The following ROBO4 variants were observed in gnomAD, a reference collection of about 807,000 sequenced individuals.
The protein encoded by ROBO4 is roundabout guidance receptor 4, also known as roundabout homolog 4.
A neutral mutation model predicts 103.3 loss-of-function variants in ROBO4; 80 were observed. That is an observed-to-expected ratio of 0.77 (90% CI 0.65 to 0.93). ROBO4 has a LOEUF of 0.93. Among genes scored for constraint, ROBO4 ranks in the 40% least tolerant of loss-of-function variants. The pLI is 0.00. For missense variants in ROBO4, 1,333 were observed against 1,305.3 expected (o/e 1.02, Z -0.33); for synonymous variants, 504 against 529.7 (o/e 0.95, Z 0.67).
intron 16 of ROBO4, 51 bp from the exon 17 acceptor site, chr11:124,885,298 G>A: frequency 1.3e-6 from 2 of 1,515,796 alleles, no homozygotes; most frequent in African/African-American, 1.4e-5. Flanking sequence ...CAGCCCCTAG[G>A]GGCCAGTTTA....
intron 16 of ROBO4, 124 bp downstream of exon 16, chr11:124,886,340 T>C: frequency 3.9e-6 from 3 of 765,974 alleles, no homozygotes; most frequent in East Asian, 2.5e-5. Context: ...AAAGCACTTA[T>C]CATAGTGCCT....
Position 124,895,690 on chromosome 11 carries a change from G to A in ROBO4, c.808-5C>T, listed in dbSNP as rs1248840795. The A allele has an allele frequency of 6.2e-7, 1 of 1,611,920 alleles. No individual in the cohort carries two copies. Among genetic ancestry groups the A allele is most frequent in the East Asian group, 2.2e-5 (1 of 44,800 alleles). The stretch of plus-strand genomic sequence containing the variant: ...AGGCGCAGCAGGGCCACTGACCTGG[G>A]AAGGAGTTTCGAGGAAGGGCGGGGG... On this transcript the variant is annotated splice_region_variant and splice_polypyrimidine_tract_variant and intron_variant, in intron 5 of 17. Coordinates refer to ENST00000306534, the MANE Select transcript of ROBO4 (RefSeq NM_019055.6).
chr11:124,886,963 C>A lies in ROBO4; in HGVS notation c.2435+14G>T. 1 of 1,596,566 alleles carries A rather than the reference C, an allele frequency of 6.3e-7. No individual in the cohort carries two copies. Among genetic ancestry groups the A allele is most frequent in the Non-Finnish European group, 8.6e-7 (1 of 1,168,010 alleles). On this transcript the variant is annotated intron_variant, in intron 15 of 17. Transcript: ENST00000306534. ...CTTTTCTGTAGTTCTTTGGTTATCTCTCAAGCTACTCACCTGGGAGTCTCC... is the reference window on the plus strand; with the variant it reads ...CTTTTCTGTAGTTCTTTGGTTATCTATCAAGCTACTCACCTGGGAGTCTCC...
At chr11:124,895,002 G>C (rs1946860066) in intron 7 of ROBO4, 79 bp downstream of exon 7, 3 of 1,122,656 alleles carry the variant, frequency 2.7e-6, no homozygotes, top group Non-Finnish European at 4.0e-6. Context: ...TCAGTGCCCA[G>C]AGCAAGGGTA....
intron 3 of ROBO4, 80 bp from the exon 4 acceptor site, chr11:124,896,398 C>A: frequency 6.3e-7 from 1 of 1,596,136 alleles, no homozygotes; most frequent in South Asian, 1.1e-5. Context: ...GCCCCCTGCT[C>A]TCCCCTCCTC....
Position 124,895,630 on chromosome 11 carries a change from G to A in ROBO4, c.863C>T (p.Thr288Ile), listed in dbSNP as rs1364802399. ...QSYTALFRTQTAPGGQGAPWA... is the reference protein window; with the variant it reads ...QSYTALFRTQIAPGGQGAPWA... Reference sequence around the variant, plus strand: ...CGGAGCTCCCTGGCCTCCCGGGGCAGTCTGGGTCCTGAACAAGGCCGTGTA... The same window carrying A: ...CGGAGCTCCCTGGCCTCCCGGGGCAATCTGGGTCCTGAACAAGGCCGTGTA... Residue 288 changes from threonine to isoleucine, a missense_variant, in exon 6 of 18, where the codon ACT (threonine) becomes ATT (isoleucine). Physicochemically the swap from Thr to Ile is moderately conservative, Grantham distance 89. Transcript: ENST00000306534. 2 of 1,613,892 alleles carry A rather than the reference G, an allele frequency of 1.2e-6. No homozygotes were observed. Among genetic ancestry groups the A allele is most frequent in the Admixed American group, 3.3e-5 (2 of 60,028 alleles).
chr11:124,892,124 T>A (rs995031769), intron 10 of ROBO4: 16 of 544,182 alleles, frequency 2.9e-5, no homozygotes, highest in Non-Finnish European at 4.9e-5. Context: ...CTGTCACAGC[T>A]TAGCTTGGGT....
Position 124,891,459 on chromosome 11 carries a change from C to T in ROBO4, c.1788G>A (p.Arg596=). The change falls in exon 12 of 18, where the codon AGG becomes AGA. Residue 596 remains arginine, a synonymous_variant. Coordinates refer to ENST00000306534, the MANE Select transcript of ROBO4 (RefSeq NM_019055.6). ...IAELPSSTPA[R]PSPQVPAVRR... is the part of the protein sequence containing the mutation. ...TGACAGCTGGGACCTGGGGACTTGG[C>T]CTGGCTGGGGTACTGGAGGGCAGCT... 2 of 1,607,548 alleles carry T rather than the reference C, an allele frequency of 1.2e-6. No individual in the cohort carries two copies. The highest frequency in any genetic ancestry group is 1.7e-6 in the Non-Finnish European group (2 of 1,176,294).
chr11:124,885,336 G>T, intron 16 of ROBO4, 89 bp from the exon 17 acceptor site: 1 of 1,088,942 alleles, frequency 9.2e-7, no homozygotes, highest in Non-Finnish European at 1.3e-6. Context: ...CCAGCTCAGG[G>T]CATGTACCCA....
At chr11:124,896,765 G>T in intron 2 of ROBO4, 95 bp from the exon 3 acceptor site, 1 of 1,519,544 alleles carries the variant, frequency 6.6e-7, no homozygotes, top group Non-Finnish European at 8.8e-7. Flanking sequence ...CACCTTCCTG[G>T]CCTCCCATTT....
Position 124,895,271 on chromosome 11 carries a change from G to C in ROBO4, c.1037-78C>G, listed in dbSNP as rs1356174878. ...GAAAGGAGCTGGGCTGGGGGACACA[G>C]CGTCAGAACCCTACTGAAGAGACAA... On this transcript the variant is annotated intron_variant, in intron 6 of 17. Transcript: ENST00000306534. The C allele has an allele frequency of 2.4e-6, 3 of 1,273,730 alleles. No homozygotes were observed. In the African/African-American group the frequency reaches 4.4e-5, roughly 19 times the overall value. The allele number at this position is 1,273,730 out of a possible 1,614,324, so 78.9% of individuals were successfully genotyped here.
rs1199186911 is a variant in ROBO4, at chr11:124,884,726, T to C, written c.*165A>G. The C allele has an allele frequency of 1.1e-5, 9 of 789,506 alleles. No individual in the cohort carries two copies. The highest frequency in any genetic ancestry group is 1.9e-5 in the Non-Finnish European group (9 of 471,314). The allele number at this position is 789,506 out of a possible 1,614,324, so 48.9% of individuals were successfully genotyped here. A position where few individuals can be genotyped will look rare whatever the true frequency, so the allele number is the denominator to read the frequency against. On this transcript the variant is annotated 3_prime_UTR_variant, in exon 18 of 18. Transcript: ENST00000306534. Reference sequence around the variant, plus strand: ...GGTCAGCTTTGCTCTAATTTTGTTTTCATTTGTTTTCACAATCGTGGAGGG... The same window carrying C: ...GGTCAGCTTTGCTCTAATTTTGTTTCCATTTGTTTTCACAATCGTGGAGGG...
intron 16 of ROBO4, 72 bp from the exon 17 acceptor site, chr11:124,885,319 C>T: frequency 7.6e-7 from 1 of 1,318,842 alleles, no homozygotes; most frequent in Non-Finnish European, 1.1e-6. Context: ...GTACAGAAAG[C>T]TTAGGACCAG....
intron 5 of ROBO4, 26 bp from the exon 6 acceptor site, chr11:124,895,711 G>T (rs374533475): frequency 6.2e-7 from 1 of 1,611,076 alleles, no homozygotes. Context: ...GAGGAAGGGC[G>T]GGGGGTCAGA....
In ROBO4 at chr11:124,891,196, G is replaced by A. The variant is rs546680255; in HGVS notation, c.1948+103C>T. On this transcript the variant is annotated intron_variant, in intron 12 of 17. Transcript: ENST00000306534. ...GAGGAGAATGGAAGGAGGGTGTGGA[G>A]GTTGCACGCCCCTCCAGGCTTTGAG... is the stretch of plus-strand genomic sequence containing the variant. The A allele has an allele frequency of 1.9e-5, 26 of 1,358,656 alleles. 1 individual carries two copies. In the Admixed American group the frequency reaches 3.6e-4, roughly 19 times the overall value. The allele number at this position is 1,358,656 out of a possible 1,614,324, so 84.2% of individuals were successfully genotyped here. A position where few individuals can be genotyped will look rare whatever the true frequency, so the allele number is the denominator to read the frequency against.
At position 124,897,741 on chromosome 11, in the gene ROBO4, G is replaced by C. The variant is rs202005316; in HGVS notation, c.55C>G (p.Leu19Val). The C allele has an allele frequency of 6.2e-7, 1 of 1,613,912 alleles. No individual in the cohort carries two copies. The highest frequency in any genetic ancestry group is 1.3e-5 in the African/African-American group (1 of 74,916). ...LGGRGSLPLL[L>V]LLIMGGMAQD... Reference sequence around the variant, plus strand: ...AGCAACTCACCCATGATGAGCAGGAGCAGCAGAGGCAGGGAACCCCTGCCC... The same window carrying C: ...AGCAACTCACCCATGATGAGCAGGACCAGCAGAGGCAGGGAACCCCTGCCC... Residue 19 changes from leucine to valine, a missense_variant, in exon 1 of 18, where the codon CTC (leucine) becomes GTC (valine). By Grantham distance (32) the Leu-to-Val change is conservative. Transcript: ENST00000306534.
chr11:124,895,428 G>A, intron 6 of ROBO4, 29 bp downstream of exon 6: 2 of 1,590,630 alleles, frequency 1.3e-6, no homozygotes, highest in Non-Finnish European at 1.7e-6. Flanking sequence ...AGGGGATATT[G>A]TTGGCTTCTG....
chr11:124,896,255 C>T lies in ROBO4; in HGVS notation c.622G>A (p.Val208Met), dbSNP rs1487793180. 6.2e-7 allele frequency: 1 copy of T among 1,614,182 alleles called. No individual in the cohort carries two copies. The highest frequency in any genetic ancestry group is 1.1e-5 in the South Asian group (1 of 91,090). ...CTATGTCCTGCGCTGTTGGTGGCCA[C>T]ACACATGTAGGTCCCTTCGTCACTC... ...EKSDEGTYMC[V>M]ATNSAGHRES... Residue 208 changes from valine (V) to methionine (M), a missense_variant, in exon 4 of 18, where the codon GTG becomes ATG. Physicochemically the swap from Val to Met is conservative, Grantham distance 21 (BLOSUM62 1). Transcript: ENST00000306534.
Position 124,884,631 on chromosome 11 carries a change from G to T in ROBO4, c.*260C>A, listed in dbSNP as rs1132958. ...GCCAAAACAACCTGGTGGTGGGAGT[G>T]GATGGCACAGAGGAGAAAGCAGTGG... is the stretch of plus-strand genomic sequence containing the variant. On this transcript the variant is annotated 3_prime_UTR_variant, in exon 18 of 18. Coordinates refer to ENST00000306534, the MANE Select transcript of ROBO4 (RefSeq NM_019055.6). 8.7e-3 allele frequency: 4,951 copies of T among 571,130 alleles called. 58 individuals carry two copies. Among genetic ancestry groups the T allele is most frequent in the African/African-American group, 0.043 (2,323 of 53,418 alleles). 35.4% of individuals were successfully genotyped at this position (571,130 alleles called of 1,614,324 possible). A position where few individuals can be genotyped will look rare whatever the true frequency, so the allele number is the denominator to read the frequency against.
Sources: allele counts gnomAD v4.1 joint callset, GRCh38; gene constraint gnomAD v4.1.1; transcripts MANE v1.5; gene names NCBI Gene and HGNC (gene_info 2026-07-23, HGNC 2026-07-21).